The following TMPRSS9 variants were observed in gnomAD, a reference collection of about 807,000 sequenced individuals.
TMPRSS9 encodes transmembrane serine protease 9, also known as transmembrane protease serine 9.
TMPRSS9 carries 113 observed loss-of-function variants against 111.4 expected under a neutral mutation model. That is an observed-to-expected ratio of 1.01 (90% CI 0.87 to 1.19). The LOEUF (loss-of-function observed/expected upper bound fraction) is 1.19. TMPRSS9 is among the 50% of genes most tolerant of loss of function. The pLI is 0.00. For synonymous variants in TMPRSS9, 805 were observed against 659.1 expected (o/e 1.22, Z -3.39); for missense variants, 1,803 against 1,513.1 (o/e 1.19, Z -3.18).
chr19:2,364,591 T>C (rs897873595), intron 1 of TMPRSS9, among the ~76,000 whole-genome samples: 3 of 151,142 alleles, frequency 2.0e-5, no homozygotes, highest in Non-Finnish European at 4.4e-5. Flanking sequence ...AAAAAAAAAT[T>C]GGGGGGGATA....
intron 1 of TMPRSS9, among the ~76,000 whole-genome samples, chr19:2,379,902 C>G (rs1218718954): frequency 6.6e-6 from 1 of 151,764 alleles, no homozygotes; most frequent in Non-Finnish European, 1.5e-5. Flanking sequence ...GTGCATGCTA[C>G]CATGCCCAGC....
chr19:2,395,155 C>T (rs1195283400), intron 1 of TMPRSS9, among the ~76,000 whole-genome samples: 1 of 152,210 alleles, frequency 6.6e-6, no homozygotes, highest in Non-Finnish European at 1.5e-5. Flanking sequence ...CAGTGGCTCA[C>T]GCCTGTAATC....
intron 8 of TMPRSS9, among the ~76,000 whole-genome samples, chr19:2,409,814 C>T (rs896585985): frequency 6.6e-6 from 1 of 152,036 alleles, no homozygotes; most frequent in African/African-American, 2.4e-5. Context: ...GAATGGATTT[C>T]AGTGGGGTGG....
At chr19:2,396,232 C>T (rs1337899205) in intron 1 of TMPRSS9, 16 of 275,086 alleles carry the variant, frequency 5.8e-5, no homozygotes, top group Non-Finnish European at 1.1e-4. Context: ...CCTCTTTCTG[C>T]CTTCGAGGAA....
chr19:2,402,034 G>GT lies in TMPRSS9; in HGVS notation c.556+18_556+19insT. The GT allele has an allele frequency of 6.2e-7, 1 of 1,608,100 alleles. No homozygotes were observed. Among genetic ancestry groups the GT allele is most frequent in the South Asian group, 1.1e-5 (1 of 90,910 alleles). On this transcript the variant is annotated intron_variant, in intron 5 of 17. Coordinates refer to ENST00000648592, the Ensembl canonical transcript of TMPRSS9. ...CAAATCAGGTATGTTTTTCTCTCTG[G>GT]CCTTTTCTCTGATTGCAGTTACTGA...
At position 2,383,644 on chromosome 19, in the gene TMPRSS9, G is replaced by A. The variant is rs1201547293; in HGVS notation, c.-25-6117G>A. On this transcript the variant is annotated intron_variant, in intron 1 of 17. Coordinates refer to the TMPRSS9 transcript ENST00000649857. ...AGCCACTGCACCCTGACTCTACAAA[G>A]AAATTTTTTAACTTAGCTGGCATAG... 1.4e-5 allele frequency among the ~76,000 whole-genome samples: 2 copies of A among 146,938 alleles called. 1 individual carries two copies. The highest frequency in any genetic ancestry group is 3.0e-5 in the Non-Finnish European group (2 of 67,052).
chr19:2,396,558 C>G (rs7252886), exon 2 of TMPRSS9: 26 of 1,608,042 alleles, frequency 1.6e-5, no homozygotes, highest in Non-Finnish European at 2.1e-5. Flanking sequence ...CTACACAGGG[C>G]TTCCACGTGG....
chr19:2,395,502 G>A (rs1243723671), intron 1 of TMPRSS9, among the ~76,000 whole-genome samples: 10 of 151,870 alleles, frequency 6.6e-5, no homozygotes, highest in African/African-American at 1.5e-4. Flanking sequence ...CAAGGCTGGC[G>A]GATCATCTGA....
chr19:2,390,693 A>G (rs921651190), intron 1 of TMPRSS9, among the ~76,000 whole-genome samples: 3 of 151,480 alleles, frequency 2.0e-5, no homozygotes, highest in Non-Finnish European at 4.4e-5. Context: ...CTGCCTCTAC[A>G]GAAAATACAA....
chr19:2,423,977 C>A (rs1199532787), intron 14 of TMPRSS9, 112 bp from the exon 16 acceptor site: 1 of 1,162,178 alleles, frequency 8.6e-7, no homozygotes, highest in Non-Finnish European at 1.1e-6. Context: ...TCCCCCATCA[C>A]AACCTACTCC....
chr19:2,379,655 T>TTC (rs1478868926), intron 1 of TMPRSS9, among the ~76,000 whole-genome samples: 1 of 149,700 alleles, frequency 6.7e-6, no homozygotes, highest in Non-Finnish European at 1.5e-5. Flanking sequence ...CTTTCTTTCT[T>TTC]TCTTTCTTTC....
intron 8 of TMPRSS9, among the ~76,000 whole-genome samples, chr19:2,408,835 CAA>C (rs1971028663): frequency 7.2e-6 from 1 of 139,422 alleles, no homozygotes; most frequent in African/African-American, 2.8e-5. Context: ...CACACACACA[CAA>C]AATTAGCCAG....
chr19:2,418,346 TTTC>T (rs1971324936), intron 13 of TMPRSS9, among the ~76,000 whole-genome samples: 1 of 29,108 alleles, frequency 3.4e-5, no homozygotes, highest in African/African-American at 2.3e-4. Context: ...CTTCCCTCCC[TTTC>T]CCTCCCTCCC....
At chr19:2,363,281 G>T (rs1970216923) in intron 1 of TMPRSS9, among the ~76,000 whole-genome samples, 2 of 152,204 alleles carry the variant, frequency 1.3e-5, no homozygotes, top group African/African-American at 2.4e-5. Context: ...TTAGGCAAAA[G>T]GTGTTGGTGG....
rs866078556 is a variant in TMPRSS9, at chr19:2,425,447, G to A, written c.3074G>A (p.Arg1025His). ...TTCTACCCAGTGCAGATCAGCAGCC[G>A]CATGCTGTGTGCCGGCTTCCCGCAG... Residue 1025 changes from arginine to histidine, a missense_variant, in exon 17 of 18, where the codon CGC becomes CAC. Coordinates refer to ENST00000648592, the Ensembl canonical transcript of TMPRSS9. The A allele has an allele frequency of 1.3e-5, 20 of 1,591,048 alleles. No homozygotes were observed. The highest frequency in any genetic ancestry group is 1.7e-4 in the Middle Eastern group (1 of 5,960).
exon 2 of TMPRSS9, chr19:2,396,570 C>T: frequency 5.0e-6 from 8 of 1,610,640 alleles, no homozygotes; most frequent in Non-Finnish European, 5.9e-6. Context: ...TCCACGTGGA[C>T]CACACGGCCG....
chr19:2,416,091 T>C (rs1310490450), intron 11 of TMPRSS9, among the ~76,000 whole-genome samples: 2 of 151,986 alleles, frequency 1.3e-5, no homozygotes, highest in African/African-American at 2.4e-5. Flanking sequence ...ATCTTGGAGA[T>C]TCCCAGGCAT....
chr19:2,399,614 GC>G (rs1970786667), intron 4 of TMPRSS9, among the ~76,000 whole-genome samples: 1 of 152,138 alleles, frequency 6.6e-6, no homozygotes, highest in Non-Finnish European at 1.5e-5. Context: ...AACTGACATT[GC>G]CTTTGCCTTA....
chr19:2,416,340 A>G (rs1346902658), intron 11 of TMPRSS9, 198 bp from the exon 13 acceptor site: 5 of 684,246 alleles, frequency 7.3e-6, no homozygotes, highest in Non-Finnish European at 9.4e-6. Flanking sequence ...GAGGTCCCCC[A>G]GCTTGGGATC....
Sources: allele counts gnomAD v4.1 joint callset (sites outside exome capture counted in the v4.1 genomes callset), GRCh38; gene constraint gnomAD v4.1.1; transcripts MANE v1.5; gene names NCBI Gene and HGNC (gene_info 2026-07-23, HGNC 2026-07-21).